The following PCDHGC3 variants were observed in gnomAD, a reference collection of about 807,000 sequenced individuals.
PCDHGC3 encodes protocadherin gamma subfamily C, 3, also known as protocadherin gamma-C3.
Under a neutral mutation model 59.2 loss-of-function variants are expected in PCDHGC3, and 26 were observed. The ratio of observed to expected loss-of-function variants is 0.44; its 90% confidence interval spans 0.32 to 0.61. The LOEUF (loss-of-function observed/expected upper bound fraction) is 0.61, where lower values mean the gene tolerates loss of function less well. Among genes scored for constraint, PCDHGC3 ranks in the 20% least tolerant of loss-of-function variants. The pLI is 0.05. For synonymous variants in PCDHGC3, 487 were observed against 519.7 expected (o/e 0.94, Z 0.86); for missense variants, 1,080 against 1,221.8 (o/e 0.88, Z 1.73).
intron 1 of PCDHGC3, among the ~76,000 whole-genome samples, chr5:141,480,098 T>C (rs1415853757): frequency 6.6e-6 from 1 of 152,168 alleles, no homozygotes. Context: ...GTATGCAAAG[T>C]GTTTAGCATG....
rs1397071220 is a variant in PCDHGC3 at position 141,478,173 on chromosome 5, A to G, written c.2057A>G (p.Gln686Arg). Residue 686 changes from glutamine to arginine, a missense_variant, in exon 1 of 4, where the codon CAG becomes CGG. By Grantham distance (43) the Gln-to-Arg change is conservative. Coordinates refer to ENST00000308177, the MANE Select transcript of PCDHGC3 (RefSeq NM_002588.4). ...CCCTCTGGCTCTGCCCCCCGGGAGC[A>G]GAAAAAAAATCTCACCTTTTATCTA... Reference protein sequence around the residue: ...EFPSGSAPREQKKNLTFYLLL... With the variant: ...EFPSGSAPRERKKNLTFYLLL... 6.2e-7 allele frequency: 1 copy of G among 1,613,986 alleles called. No individual in the cohort carries two copies. The highest frequency in any genetic ancestry group is 8.5e-7 in the Non-Finnish European group (1 of 1,180,036).
At chr5:141,504,986 AC>A (rs1225847397) in intron 2 of PCDHGC3, among the ~76,000 whole-genome samples, 4 of 151,936 alleles carry the variant, frequency 2.6e-5, no homozygotes, top group Non-Finnish European at 5.9e-5. Context: ...ACATGGTGAA[AC>A]CCCGTCTGTA....
chr5:141,498,960 G>GGAGA (rs1381042115), intron 2 of PCDHGC3, among the ~76,000 whole-genome samples: 9 of 118,744 alleles, frequency 7.6e-5, no homozygotes, highest in African/African-American at 2.8e-4. Context: ...AGAGAGAGAG[G>GGAGA]GAGGGAGGGA....
rs779949817 is a variant in PCDHGC3 at position 141,487,266 on chromosome 5, T to G, written c.2431-7541T>G. The G allele has an allele frequency of 6.2e-7, 1 of 1,614,054 alleles. No individual in the cohort carries two copies. The highest frequency in any genetic ancestry group is 8.5e-7 in the Non-Finnish European group (1 of 1,180,044). On this transcript the variant is annotated intron_variant, in intron 1 of 3. Transcript: ENST00000308177. This position sits in a 1 kb window ranked among gnomAD's most constrained non-coding sequence, Gnocchi z 5.0. The stretch of plus-strand genomic sequence containing the variant: ...ACCCTCTACTTGGCTGTGTCCCTAG[T>G]GGCAATTTGCTTTGTCTCCTTTGGC...
rs750928530 is a variant in PCDHGC3 at position 141,490,174 on chromosome 5, G to T, written c.2431-4633G>T. 1 of 1,614,056 alleles carries T rather than the reference G, an allele frequency of 6.2e-7. No individual in the cohort carries two copies. Among genetic ancestry groups the T allele is most frequent in the South Asian group, 1.1e-5 (1 of 91,086 alleles). ...TGTGTTGGGTCCCATAGACTTTGAG[G>T]AGTCACGTTTCTATGAAATTCATGC... On this transcript the variant is annotated intron_variant, in intron 1 of 3. Transcript: ENST00000308177. This position sits in a 1 kb window ranked among gnomAD's most constrained non-coding sequence, Gnocchi z 5.4.
Position 141,477,575 on chromosome 5 carries a change from C to T in PCDHGC3, c.1459C>T (p.Pro487Ser). The T allele has an allele frequency of 6.2e-7, 1 of 1,614,176 alleles. No individual in the cohort carries two copies. The highest frequency in any genetic ancestry group is 8.5e-7 in the Non-Finnish European group (1 of 1,180,030). The change falls in exon 1 of 4, where the codon CCG (proline) becomes TCG (serine). Residue 487 changes from proline (P) to serine (S), a missense_variant. Coordinates refer to ENST00000308177, the MANE Select transcript of PCDHGC3 (RefSeq NM_002588.4). This position sits in a 1 kb window ranked among gnomAD's most constrained non-coding sequence, Gnocchi z 4.9. ...CCTAAGTGTCTGGGACCCCGACGCC[C>T]CGCAGAATGCTCGGCTTTCTTTCTT... is the stretch of plus-strand genomic sequence containing the variant. Reference protein sequence around the residue: ...LNLSVWDPDAPQNARLSFFLL... With the variant: ...LNLSVWDPDASQNARLSFFLL...
Position 141,490,109 on chromosome 5 carries a change from G to A in PCDHGC3, c.2431-4698G>A, listed in dbSNP as rs775286436. The A allele has an allele frequency of 3.4e-5, 55 of 1,614,114 alleles. No homozygotes were observed. Among genetic ancestry groups the A allele is most frequent in the African/African-American group, 8.0e-5 (6 of 74,940 alleles). ...GGAGACCACACATCTGAGGCAGTGC[G>A]GAACCTCTTTGGCCTAGACCCTAGC... On this transcript the variant is annotated intron_variant, in intron 1 of 3. Coordinates refer to ENST00000308177, the MANE Select transcript of PCDHGC3 (RefSeq NM_002588.4). This position sits in a 1 kb window ranked among gnomAD's most constrained non-coding sequence, Gnocchi z 5.4.
Position 141,477,383 on chromosome 5 carries a change from T to A in PCDHGC3, c.1267T>A (p.Tyr423Asn). 6.2e-7 allele frequency: 1 copy of A among 1,614,102 alleles called. No homozygotes were observed. Among genetic ancestry groups the A allele is most frequent in the Non-Finnish European group, 8.5e-7 (1 of 1,180,006 alleles). The change falls in exon 1 of 4, where the codon TAC (tyrosine) becomes AAC (asparagine). Residue 423 changes from tyrosine (Y) to asparagine (N), a missense_variant. Physicochemically the swap from Tyr to Asn is moderately radical, Grantham distance 143. Transcript: ENST00000308177. This position sits in a 1 kb window ranked among gnomAD's most constrained non-coding sequence, Gnocchi z 4.9. ...ADLDRETVPE[Y>N]NLSITARDAG... Reference sequence around the variant, plus strand: ...CCTGGATCGGGAGACTGTGCCAGAATACAACCTCAGCATCACCGCCCGAGA... The same window carrying A: ...CCTGGATCGGGAGACTGTGCCAGAAAACAACCTCAGCATCACCGCCCGAGA...
In PCDHGC3 at chr5:141,511,364, T is replaced by C. The variant is rs115159796; in HGVS notation, c.*191T>C. The C allele has an allele frequency of 4.6e-4, 610 of 1,317,098 alleles. 5 individuals are homozygous for C. In the African/African-American group the frequency reaches 7.1e-3, roughly 15 times the overall value. The allele number at this position is 1,317,098 out of a possible 1,614,324, so 81.6% of individuals were successfully genotyped here. On this transcript the variant is annotated 3_prime_UTR_variant, in exon 4 of 4. Coordinates refer to ENST00000308177, the MANE Select transcript of PCDHGC3 (RefSeq NM_002588.4). ...ACCCCTTCCCCCCCAGGGGGTTGAA[T>C]ATGCAAAAGCAGTTCCGCTGGGAAC...
chr5:141,507,616 G>A (rs1288020739), intron 3 of PCDHGC3, among the ~76,000 whole-genome samples: 3 of 152,252 alleles, frequency 2.0e-5, no homozygotes, highest in Non-Finnish European at 4.4e-5. Context: ...GGTATATTTA[G>A]CTGTTGTGGC....
rs768812729 is a variant in PCDHGC3, at chr5:141,491,543, A to T, written c.2431-3264A>T. 2.5e-6 allele frequency: 4 copies of T among 1,613,842 alleles called. No individual in the cohort carries two copies. The highest frequency in any genetic ancestry group is 3.4e-6 in the Non-Finnish European group (4 of 1,179,982). The stretch of plus-strand genomic sequence containing the variant: ...ATGGAGGTGACGCTGCGGCCCACAG[A>T]CTCGCAGAGCCACTGCTACAGGACG... On this transcript the variant is annotated intron_variant, in intron 1 of 3. Transcript: ENST00000308177. This position sits in a 1 kb window ranked among gnomAD's most constrained non-coding sequence, Gnocchi z 6.9.
At position 141,486,426 on chromosome 5, in the gene PCDHGC3, A is replaced by T; in HGVS notation, c.2430+7880A>T. 6.2e-7 allele frequency: 1 copy of T among 1,614,190 alleles called. No homozygotes were observed. The highest frequency in any genetic ancestry group is 8.5e-7 in the Non-Finnish European group (1 of 1,180,026). ...GCTGGACCCTTGGATCGAGAGGCCA[A>T]ATCTAGCTATGACATCATGGTCACT... On this transcript the variant is annotated intron_variant, in intron 1 of 3. Coordinates refer to ENST00000308177, the MANE Select transcript of PCDHGC3 (RefSeq NM_002588.4). This position sits in a 1 kb window ranked among gnomAD's most constrained non-coding sequence, Gnocchi z 5.0.
chr5:141,500,571 C>T (rs1171231755), intron 2 of PCDHGC3, among the ~76,000 whole-genome samples: 1 of 152,196 alleles, frequency 6.6e-6, no homozygotes, highest in African/African-American at 2.4e-5. Context: ...GTCACACTTT[C>T]ATGTGACACT....
At position 141,476,359 on chromosome 5, in the gene PCDHGC3, G is replaced by A; in HGVS notation, c.243G>A (p.Arg81=). Residue 81 remains arginine (R), a synonymous_variant, in exon 1 of 4, where the codon CGG becomes CGA. Coordinates refer to ENST00000308177, the MANE Select transcript of PCDHGC3 (RefSeq NM_002588.4). This position sits in a 1 kb window ranked among gnomAD's most constrained non-coding sequence, Gnocchi z 7.6. ...GASRRFFEVN[R]ETGEMFVNDR... ...GCCGAAGATTCTTTGAGGTGAACCG[G>A]GAGACCGGAGAGATGTTTGTGAACG... The A allele has an allele frequency of 6.2e-7, 1 of 1,614,170 alleles. No individual in the cohort carries two copies. The highest frequency in any genetic ancestry group is 8.5e-7 in the Non-Finnish European group (1 of 1,180,020).
Position 141,478,305 on chromosome 5 carries a change from C to A in PCDHGC3, c.2189C>A (p.Pro730Gln), listed in dbSNP as rs775282798. Residue 730 changes from proline to glutamine, a missense_variant, in exon 1 of 4, where the codon CCG becomes CAG. Pro to Gln is a moderately conservative substitution (Grantham distance 76). Transcript: ENST00000308177. ...CAGTCTAGAGACCTATACCGAGCCC[C>A]GGTGAGCTCACTGTACCGAACACCA... ...WKQSRDLYRA[P>Q]VSSLYRTPGP... 2 of 1,613,974 alleles carry A rather than the reference C, an allele frequency of 1.2e-6. No individual in the cohort carries two copies. The highest frequency in any genetic ancestry group is 8.5e-7 in the Non-Finnish European group (1 of 1,180,050).
chr5:141,508,799 C>T (rs962590711), intron 3 of PCDHGC3, among the ~76,000 whole-genome samples: 1 of 152,110 alleles, frequency 6.6e-6, no homozygotes, highest in Non-Finnish European at 1.5e-5. Context: ...ACTCTGGAAT[C>T]CTGGCTCTTT....
chr5:141,487,237 T>G lies in PCDHGC3; in HGVS notation c.2431-7570T>G, dbSNP rs1327004790. ...CAGCTCCAAGGGAAGGAGAATCTCGTCTAACCCTCTACTTGGCTGTGTCCC... is the reference window on the plus strand; with the variant it reads ...CAGCTCCAAGGGAAGGAGAATCTCGGCTAACCCTCTACTTGGCTGTGTCCC... On this transcript the variant is annotated intron_variant, in intron 1 of 3. Transcript: ENST00000308177. This position sits in a 1 kb window ranked among gnomAD's most constrained non-coding sequence, Gnocchi z 5.0. 1.2e-6 allele frequency: 2 copies of G among 1,614,004 alleles called. No individual in the cohort carries two copies. The highest frequency in any genetic ancestry group is 1.7e-6 in the Non-Finnish European group (2 of 1,179,988).
chr5:141,486,284 C>G lies in PCDHGC3; in HGVS notation c.2430+7738C>G, dbSNP rs1259853159. ...TGCAGAACCTGGCACTGTGGTGGCA[C>G]TTATCAGTGTGCAGGATCCAGACTC... On this transcript the variant is annotated intron_variant, in intron 1 of 3. Transcript: ENST00000308177. This position sits in a 1 kb window ranked among gnomAD's most constrained non-coding sequence, Gnocchi z 5.0. The G allele has an allele frequency of 6.2e-7, 1 of 1,614,050 alleles. No homozygotes were observed. The highest frequency in any genetic ancestry group is 8.5e-7 in the Non-Finnish European group (1 of 1,179,988).
intron 1 of PCDHGC3, among the ~76,000 whole-genome samples, chr5:141,478,999 A>C (rs1220971456): frequency 2.0e-5 from 3 of 152,194 alleles, no homozygotes. Context: ...ATTAAAACTA[A>C]TAGCTTTTTG....
Sources: allele counts gnomAD v4.1 joint callset (sites outside exome capture counted in the v4.1 genomes callset), GRCh38; gene constraint gnomAD v4.1.1; non-coding constraint Gnocchi (gnomAD v3.1); transcripts MANE v1.5; gene names NCBI Gene and HGNC (gene_info 2026-07-23, HGNC 2026-07-21).